AGBL1: variants seen among roughly 807,000 people sequenced by gnomAD.
AGBL1 encodes the protein AGBL carboxypeptidase 1, also known as cytosolic carboxypeptidase 4.
AGBL1 carries 130 observed loss-of-function variants against 118.9 expected under a neutral mutation model. That is an observed-to-expected ratio of 1.09 (90% CI 0.95 to 1.26). AGBL1 has a LOEUF of 1.26. Among genes scored for constraint, AGBL1 ranks in the 50% most tolerant of loss-of-function variants. The pLI is 0.00. For missense variants in AGBL1, 1,584 were observed against 1,298.1 expected (o/e 1.22, Z -3.38); for synonymous variants, 555 against 478.9 (o/e 1.16, Z -2.08).
intron 22 of AGBL1, among the ~76,000 whole-genome samples, chr15:86,693,059 T>A (rs1381357725): frequency 6.6e-6 from 1 of 152,188 alleles, no homozygotes; most frequent in Admixed American, 6.5e-5. Context: ...AGAATTGTGC[T>A]GCTATAGACA....
rs189177161 is a variant in AGBL1 at position 86,511,792 on chromosome 15, G to T, written c.2556-11018G>T. Among the ~76,000 whole-genome samples, 1,116 of 151,922 alleles carry T rather than the reference G, an allele frequency of 7.3e-3. 5 individuals carry two copies. Among genetic ancestry groups the T allele is most frequent in the Non-Finnish European group, 0.012 (846 of 67,850 alleles). ...AAGAACAGCTTTTGATACTCACCTG[G>T]TCTAAAACAAAACAAAAGGATGAAG... On this transcript the variant is annotated intron_variant, in intron 18 of 22. Transcript: ENST00000614907.
At chr15:86,340,628 C>T (rs2080447081) in intron 17 of AGBL1, among the ~76,000 whole-genome samples, 1 of 152,112 alleles carries the variant, frequency 6.6e-6, no homozygotes. Context: ...TGATTTCTGG[C>T]CTCCAGAAGT....
At chr15:86,491,560 T>G (rs1168224585) in intron 18 of AGBL1, among the ~76,000 whole-genome samples, 1 of 152,000 alleles carries the variant, frequency 6.6e-6, no homozygotes, top group African/African-American at 2.4e-5. Context: ...AGTTAAGAGA[T>G]AATTCTTACA....
intron 5 of AGBL1, among the ~76,000 whole-genome samples, chr15:86,219,970 T>TA (rs911675120): frequency 2.1e-5 from 3 of 145,922 alleles, no homozygotes; most frequent in African/African-American, 7.7e-5. Flanking sequence ...TTTTTTTTTT[T>TA]AGATGGAGTT....
intron 18 of AGBL1, among the ~76,000 whole-genome samples, chr15:86,461,140 G>A (rs940839588): frequency 2.6e-5 from 4 of 152,062 alleles, no homozygotes; most frequent in African/African-American, 9.7e-5. Flanking sequence ...CATTGTTCTG[G>A]GCTATAGCCT....
At chr15:86,736,761 G>A (rs2077606573) in intron 22 of AGBL1, among the ~76,000 whole-genome samples, 1 of 152,130 alleles carries the variant, frequency 6.6e-6, no homozygotes, top group Non-Finnish European at 1.5e-5. Context: ...AGTATAAACA[G>A]GCCTGCGACA....
chr15:86,548,376 A>G (rs2083615197), intron 20 of AGBL1, among the ~76,000 whole-genome samples: 1 of 152,220 alleles, frequency 6.6e-6, no homozygotes, highest in African/African-American at 2.4e-5. Flanking sequence ...CTTTAATGGT[A>G]CTACTTCTAG....
At chr15:86,836,718 T>G (rs1466036989) in intron 22 of AGBL1, among the ~76,000 whole-genome samples, 1 of 152,098 alleles carries the variant, frequency 6.6e-6, no homozygotes, top group African/African-American at 2.4e-5. Flanking sequence ...TCACCACATG[T>G]TCCAGTCATA....
chr15:86,553,307 G>A (rs1323823406), intron 20 of AGBL1, among the ~76,000 whole-genome samples: 1 of 152,172 alleles, frequency 6.6e-6, no homozygotes, highest in African/African-American at 2.4e-5. Flanking sequence ...CTGAGTCATT[G>A]TCCTCTGGGG....
intron 17 of AGBL1, 31 bp from the exon 18 acceptor site, chr15:86,397,335 G>C (rs946714629): frequency 2.1e-6 from 3 of 1,423,928 alleles, no homozygotes; most frequent in Non-Finnish European, 2.8e-6. Flanking sequence ...TAAAATTTGG[G>C]TTTAATTTTC....
chr15:86,147,695 G>A (rs1175482797), intron 3 of AGBL1, among the ~76,000 whole-genome samples: 1 of 152,184 alleles, frequency 6.6e-6, no homozygotes, highest in Non-Finnish European at 1.5e-5. Context: ...TGAACAAAAG[G>A]CAGCAAACAA....
At position 86,603,167 on chromosome 15, in the gene AGBL1, C is replaced by T. The variant is rs370697262; in HGVS notation, c.2994+48630C>T. ...TTCTCAGAACTCAAGATTTCTTACC[C>T]CTCAACATTTAGCCATCCCCCACCA... On this transcript the variant is annotated intron_variant, in intron 21 of 22. Transcript: ENST00000614907. 2.0e-5 allele frequency among the ~76,000 whole-genome samples: 3 copies of T among 152,230 alleles called. No homozygotes were observed. In the East Asian group the frequency reaches 5.8e-4, roughly 29 times the overall value.
At chr15:86,153,916 A>G (rs186625269) in intron 3 of AGBL1, among the ~76,000 whole-genome samples, 11 of 152,310 alleles carry the variant, frequency 7.2e-5, no homozygotes, top group Admixed American at 7.2e-4. Flanking sequence ...ACATTTCCCT[A>G]CATAATCACA....
intron 15 of AGBL1, among the ~76,000 whole-genome samples, chr15:86,279,203 C>T (rs1053680270): frequency 3.3e-5 from 5 of 152,072 alleles, no homozygotes; most frequent in Admixed American, 1.3e-4. Context: ...GCAGGTGGAG[C>T]GGAAAGGAAG....
At chr15:86,358,029 G>A (rs1431816800) in intron 17 of AGBL1, among the ~76,000 whole-genome samples, 16 of 151,880 alleles carry the variant, frequency 1.1e-4, no homozygotes, top group South Asian at 2.1e-4. Flanking sequence ...ATTTTTTTGT[G>A]GTGAGAACAA....
At chr15:86,537,102 A>G (rs1401091386) in intron 19 of AGBL1, among the ~76,000 whole-genome samples, 1 of 152,224 alleles carries the variant, frequency 6.6e-6, no homozygotes, top group Non-Finnish European at 1.5e-5. Flanking sequence ...AAAGCAACTC[A>G]GAAACAGAGG....
chr15:86,800,666 G>T (rs1311541480), intron 22 of AGBL1, among the ~76,000 whole-genome samples: 3 of 152,164 alleles, frequency 2.0e-5, no homozygotes, highest in Non-Finnish European at 2.9e-5. Flanking sequence ...GCAGTGCTAA[G>T]TTCAAGCATG....
At chr15:86,804,550 G>A (rs959352389) in intron 22 of AGBL1, among the ~76,000 whole-genome samples, 7 of 152,136 alleles carry the variant, frequency 4.6e-5, no homozygotes, top group Non-Finnish European at 7.3e-5. Flanking sequence ...GGAAGGAAGC[G>A]AAGCCAAATA....
intron 17 of AGBL1, among the ~76,000 whole-genome samples, chr15:86,378,976 G>C (rs1431918760): frequency 2.0e-5 from 3 of 151,240 alleles, no homozygotes; most frequent in Admixed American, 6.6e-5. Flanking sequence ...GCAATGGAGC[G>C]ATCTTGGCTC....
Sources: allele counts gnomAD v4.1 joint callset (sites outside exome capture counted in the v4.1 genomes callset), GRCh38; gene constraint gnomAD v4.1.1; transcripts MANE v1.5; gene names NCBI Gene and HGNC (gene_info 2026-07-23, HGNC 2026-07-21).